CIMAP3: variants seen among roughly 807,000 people sequenced by gnomAD.
CIMAP3 encodes ciliary microtubule-associated protein 3.
the CIMAP3 span, among the ~76,000 whole-genome samples, chr1:111,329,787 C>T: frequency 6.6e-6 from 1 of 151,916 alleles, no homozygotes; most frequent in Non-Finnish European, 1.5e-5. Context: ...CTCCTGACCT[C>T]AGGTAATCAG....
the CIMAP3 span, chr1:111,351,431 CAGCCTGG>C: frequency 9.9e-7 from 1 of 1,008,510 alleles, no homozygotes; most frequent in South Asian, 1.8e-5. Context: ...TCTTGTCTGG[CAGCCTGG>C]AGCCCAGGGA....
At chr1:111,341,336 T>C in the CIMAP3 span, among the ~76,000 whole-genome samples, 1 of 152,022 alleles carries the variant, frequency 6.6e-6, no homozygotes, top group Non-Finnish European at 1.5e-5. Context: ...TGTGCACATG[T>C]ACCCTAAAAC....
At chr1:111,348,677 C>CA in the CIMAP3 span, 6 of 1,521,904 alleles carry the variant, frequency 3.9e-6, no homozygotes, top group Non-Finnish European at 4.4e-6. Context: ...TGCACTTCAA[C>CA]AAAAAAAGCA....
At chr1:111,327,947 A>T in the CIMAP3 span, among the ~76,000 whole-genome samples, 1 of 151,882 alleles carries the variant, frequency 6.6e-6, no homozygotes. Flanking sequence ...AAGTTAGGTT[A>T]ATTTGAGATC....
At chr1:111,334,386 A>G in the CIMAP3 span, among the ~76,000 whole-genome samples, 4 of 152,230 alleles carry the variant, frequency 2.6e-5, no homozygotes, top group South Asian at 8.3e-4. Flanking sequence ...GGAGGCAGTG[A>G]CCTAGCAGTA....
chr1:111,346,767 C>G, the CIMAP3 span: 4 of 1,552,000 alleles, frequency 2.6e-6, no homozygotes, highest in Admixed American at 3.4e-5. Context: ...GCAGTTCGCC[C>G]CCCTCCAGGA....
the CIMAP3 span, chr1:111,347,010 G>A: frequency 6.2e-7 from 1 of 1,613,964 alleles, no homozygotes; most frequent in Non-Finnish European, 8.5e-7. Context: ...TCCCTCTTAG[G>A]GGATCACCCC....
chr1:111,350,268 T>C, the CIMAP3 span: 2 of 1,476,708 alleles, frequency 1.4e-6, no homozygotes, highest in Non-Finnish European at 1.9e-6. Flanking sequence ...TTCGATCTAG[T>C]ACTTTCATAG....
At chr1:111,328,897 T>C in the CIMAP3 span, among the ~76,000 whole-genome samples, 3 of 152,242 alleles carry the variant, frequency 2.0e-5, no homozygotes, top group Admixed American at 2.0e-4. Context: ...ATTGTGCTGT[T>C]AGCTGGTTAT....
chr1:111,329,464 C>T, the CIMAP3 span, among the ~76,000 whole-genome samples: 2 of 146,634 alleles, frequency 1.4e-5, no homozygotes, highest in Non-Finnish European at 3.0e-5. Flanking sequence ...CTTTCTTCCC[C>T]TCCCTTTCAG....
chr1:111,332,207 G>A, the CIMAP3 span, among the ~76,000 whole-genome samples: 3 of 152,206 alleles, frequency 2.0e-5, no homozygotes, highest in Non-Finnish European at 4.4e-5. Flanking sequence ...TGGGCAGTCT[G>A]TGGGGCTGTT....
the CIMAP3 span, chr1:111,348,448 C>T: frequency 5.1e-6 from 7 of 1,385,148 alleles, no homozygotes; most frequent in Non-Finnish European, 6.7e-6. Flanking sequence ...TTTTTTCTAC[C>T]TGGAAGGCTT....
chr1:111,332,881 C>T, the CIMAP3 span, among the ~76,000 whole-genome samples: 1 of 152,200 alleles, frequency 6.6e-6, no homozygotes, highest in Non-Finnish European at 1.5e-5. Context: ...GTGAATTTCT[C>T]AGTCCTGGGG....
At chr1:111,347,676 A>G in the CIMAP3 span, 1 of 1,587,638 alleles carries the variant, frequency 6.3e-7, no homozygotes, top group Non-Finnish European at 8.6e-7. Flanking sequence ...ACCCAAAGGG[A>G]TATGGCTTGG....
the CIMAP3 span, chr1:111,351,134 T>A: frequency 3.1e-5 from 25 of 804,484 alleles, 1 homozygote; most frequent in East Asian, 6.1e-4. Context: ...GCTAGATTAC[T>A]ATGGAGTTGG....
the CIMAP3 span, among the ~76,000 whole-genome samples, chr1:111,334,205 A>G: frequency 6.6e-6 from 1 of 152,228 alleles, no homozygotes; most frequent in Admixed American, 6.5e-5. Context: ...GGCTGGACGA[A>G]ATAACTAAAA....
At chr1:111,333,031 G>A in the CIMAP3 span, among the ~76,000 whole-genome samples, 1 of 152,214 alleles carries the variant, frequency 6.6e-6, no homozygotes, top group Admixed American at 6.5e-5. Flanking sequence ...GGCATCTCAG[G>A]GCTGTTTTTC....
the CIMAP3 span, among the ~76,000 whole-genome samples, chr1:111,342,307 G>A: frequency 0.13 from 19,364 of 152,128 alleles, 1,340 homozygotes; most frequent in African/African-American, 0.16. Context: ...TAAGAATACC[G>A]TATCCAGGTG....
the CIMAP3 span, among the ~76,000 whole-genome samples, chr1:111,343,595 CT>C: frequency 2.6e-5 from 4 of 152,200 alleles, no homozygotes; most frequent in African/African-American, 9.7e-5. Context: ...AAAAACTGGC[CT>C]TTTGGCAATT....
Sources: gnomAD v4.1 joint callset for allele counts (sites outside exome capture counted in the v4.1 genomes callset) on GRCh38, gnomAD v4.1.1 for gene constraint, MANE v1.5 for transcripts, NCBI Gene and HGNC (gene_info 2026-07-23, HGNC 2026-07-21) for gene names.